Variants in DLC1 observed in about 807,000 individuals in gnomAD.
DLC1 encodes the protein rho GTPase-activating protein 7.
In DLC1, 54 loss-of-function variants were observed where a neutral mutation model predicts 140.3. The ratio of observed to expected loss-of-function variants is 0.38; its 90% CI spans 0.31 to 0.48. The LOEUF is 0.48. DLC1 is among the 20% of genes least tolerant of loss of function. DLC1 has a pLI of 0.96. For synonymous variants in DLC1, 986 were observed against 728.1 expected, an observed-to-expected ratio of 1.35 and a Z score of -5.70; for missense variants, 2,536 against 1,907.0, an observed-to-expected ratio of 1.33 and a Z score of -6.14.
intron 5 of DLC1, among the ~76,000 whole-genome samples, chr8:13,159,676 T>C (rs902230522): frequency 3.3e-5 from 5 of 152,020 alleles, no homozygotes; most frequent in African/African-American, 1.2e-4. Context: ...AGCCCACACA[T>C]GTCCACCGTC....
At chr8:13,086,107 A>G in intron 17 of DLC1, 176 bp from the exon 18 acceptor site, 1 of 1,339,226 alleles carries the variant, frequency 7.5e-7, no homozygotes, top group Non-Finnish European at 9.9e-7. Context: ...TTCTAAGGGA[A>G]CCAAATTACG....
At chr8:13,214,545 C>T (rs1828099897) in intron 5 of DLC1, 1 of 696,404 alleles carries the variant, frequency 1.4e-6, no homozygotes, top group Non-Finnish European at 2.6e-6. Flanking sequence ...TGTCCCCCGG[C>T]CCCAACCCCA....
chr8:13,593,363 G>C (rs1027824130), intron 1 of DLC1, among the ~76,000 whole-genome samples: 1 of 152,138 alleles, frequency 6.6e-6, no homozygotes, highest in Non-Finnish European at 1.5e-5. Flanking sequence ...TGGGCACAAA[G>C]TAGGATTGCA....
chr8:13,135,614 A>G (rs1412540460), intron 5 of DLC1, among the ~76,000 whole-genome samples: 1 of 152,240 alleles, frequency 6.6e-6, no homozygotes, highest in Non-Finnish European at 1.5e-5. Flanking sequence ...TATCTTATTT[A>G]TTAAAAATTC....
intron 1 of DLC1, among the ~76,000 whole-genome samples, chr8:13,593,969 G>A (rs1168568591): frequency 6.6e-6 from 1 of 152,034 alleles, no homozygotes; most frequent in African/African-American, 2.4e-5. Context: ...AGACGAGCCT[G>A]GGCAACTTAG....
chr8:13,513,606 T>G (rs535282748), intron 1 of DLC1, among the ~76,000 whole-genome samples: 1 of 152,210 alleles, frequency 6.6e-6, no homozygotes, highest in Non-Finnish European at 1.5e-5. Context: ...ATGTACCATT[T>G]TATTTCTATA....
intron 17 of DLC1, 104 bp downstream of exon 17, chr8:13,086,186 A>T: frequency 1.4e-6 from 2 of 1,461,808 alleles, no homozygotes; most frequent in Non-Finnish European, 1.8e-6. Context: ...TGAAGTCACC[A>T]AGAAAAAATG....
At chr8:13,399,734 G>A (rs1447353179) in intron 3 of DLC1, among the ~76,000 whole-genome samples, 1 of 152,012 alleles carries the variant, frequency 6.6e-6, no homozygotes, top group Non-Finnish European at 1.5e-5. Context: ...ATCTCTACCT[G>A]TGCTTTAATT....
chr8:13,573,044 T>G (rs1189114420), intron 1 of DLC1, among the ~76,000 whole-genome samples: 1 of 152,218 alleles, frequency 6.6e-6, no homozygotes, highest in Non-Finnish European at 1.5e-5. Context: ...TTGCATTTAA[T>G]CTGTATATAT....
intron 2 of DLC1, among the ~76,000 whole-genome samples, chr8:13,458,527 A>T (rs1296722911): frequency 6.6e-6 from 1 of 152,206 alleles, no homozygotes; most frequent in Non-Finnish European, 1.5e-5. Flanking sequence ...CTAAGTTGGC[A>T]TTTGAAAAAA....
At chr8:13,173,530 C>T (rs113445380) in intron 5 of DLC1, among the ~76,000 whole-genome samples, 86 of 152,234 alleles carry the variant, frequency 5.6e-4, no homozygotes, top group African/African-American at 1.7e-3. Flanking sequence ...CACTGCCAAG[C>T]GCTGCTAATT....
chr8:13,538,007 A>C (rs1471616687), intron 1 of DLC1, among the ~76,000 whole-genome samples: 8 of 152,188 alleles, frequency 5.3e-5, no homozygotes, highest in Admixed American at 4.6e-4. Flanking sequence ...GGCTAAGCAA[A>C]TTACATCCAT....
In DLC1 at chr8:13,187,160, T is replaced by TC. The variant is rs1826421332; in HGVS notation, c.1349-71504dup. On this transcript the variant is annotated intron_variant, in intron 5 of 17. Coordinates refer to ENST00000276297, the MANE Select transcript of DLC1 (RefSeq NM_182643.3). ...ACCTCTTCCCTGCTTTACTTTTTTT[T>TC]CCATAGCACTTATTACCTTCCAATG... is the stretch of plus-strand genomic sequence containing the variant. Among the ~76,000 whole-genome samples, 6 of 151,950 alleles carry TC rather than the reference T, an allele frequency of 3.9e-5. No individual in the cohort carries two copies. The East Asian group carries it at 5.8e-4, about 15-fold the overall frequency.
intron 4 of DLC1, among the ~76,000 whole-genome samples, chr8:13,390,221 C>A (rs984474918): frequency 2.0e-5 from 3 of 152,110 alleles, no homozygotes; most frequent in African/African-American, 7.2e-5. Flanking sequence ...ATAACATGCC[C>A]ACACACAAAT....
chr8:13,215,643 A>G (rs746794942), intron 5 of DLC1, among the ~76,000 whole-genome samples: 2 of 152,114 alleles, frequency 1.3e-5, no homozygotes, highest in Non-Finnish European at 2.9e-5. Context: ...TAGAAAGTAC[A>G]TCCTACTAGG....
At chr8:13,127,935 AT>A (rs1193663800) in intron 5 of DLC1, among the ~76,000 whole-genome samples, 1 of 152,114 alleles carries the variant, frequency 6.6e-6, no homozygotes, top group Non-Finnish European at 1.5e-5. Context: ...TGAGCTTTTG[AT>A]TTTTCCCCGA....
intron 2 of DLC1, among the ~76,000 whole-genome samples, chr8:13,417,307 C>T (rs895600187): frequency 1.3e-5 from 2 of 151,712 alleles, no homozygotes; most frequent in Non-Finnish European, 2.9e-5. Context: ...GTGCTGCACC[C>T]ATTAACTCGT....
chr8:13,199,879 G>A (rs370075674), intron 5 of DLC1, among the ~76,000 whole-genome samples: 240 of 152,216 alleles, frequency 1.6e-3, no homozygotes, highest in African/African-American at 5.6e-3. Flanking sequence ...AATATTACAA[G>A]TATCGCTATT....
intron 5 of DLC1, among the ~76,000 whole-genome samples, chr8:13,267,744 G>T (rs1321712320): frequency 2.0e-5 from 3 of 150,096 alleles, no homozygotes; most frequent in African/African-American, 7.3e-5. Context: ...GTGTGTGTGT[G>T]TGTGTGTGTG....
Sources: allele counts gnomAD v4.1 joint callset (sites outside exome capture counted in the v4.1 genomes callset), GRCh38; gene constraint gnomAD v4.1.1; transcripts MANE v1.5; gene names NCBI Gene and HGNC (gene_info 2026-07-23, HGNC 2026-07-21).